Variants in IL1RAPL2 observed in about 807,000 individuals in gnomAD.
IL1RAPL2 encodes X-linked interleukin-1 receptor accessory protein-like 2.
IL1RAPL2 carries 3 observed loss-of-function variants against 44.1 expected under a neutral mutation model. The observed-to-expected ratio is 0.07, with a 90% CI of 0.03 to 0.18. The LOEUF is 0.18. Among genes scored for constraint, IL1RAPL2 ranks in the 10% least tolerant of loss-of-function variants. IL1RAPL2 has a pLI of 1.00. For synonymous variants in IL1RAPL2, 181 were observed against 178.8 expected, an observed-to-expected ratio of 1.01 and a Z score of -0.10; for missense variants, 391 against 496.4, an observed-to-expected ratio of 0.79 and a Z score of 2.02.
chrX:104,653,581 G>T lies in IL1RAPL2; in HGVS notation c.-19-5314G>T, dbSNP rs774628015. ...TGTTTATTGATGGAGTTGGGGTGAGGTGATATGGAACTAGCTGCATTGGTT... is the reference window on the plus strand; with the variant it reads ...TGTTTATTGATGGAGTTGGGGTGAGTTGATATGGAACTAGCTGCATTGGTT... On this transcript the variant is annotated intron_variant, in intron 1 of 10. Transcript: ENST00000372582. 2.7e-5 allele frequency among the ~76,000 whole-genome samples: 3 copies of T among 110,938 alleles called. No homozygotes were observed. In the Admixed American group the frequency reaches 2.9e-4, roughly 11 times the overall value.
At chrX:104,974,565 GTA>G (rs1184064907) in intron 2 of IL1RAPL2, among the ~76,000 whole-genome samples, 1 of 112,238 alleles carries the variant, frequency 8.9e-6, no homozygotes, top group African/African-American at 3.2e-5. Flanking sequence ...GCACCAGTAG[GTA>G]TAGAAGACAG....
intron 2 of IL1RAPL2, among the ~76,000 whole-genome samples, chrX:105,003,135 T>C (rs1196679999): frequency 1.8e-5 from 2 of 111,242 alleles, no homozygotes; most frequent in Non-Finnish European, 3.8e-5. Context: ...GCTTATATTA[T>C]ATTCCTTCCC....
intron 2 of IL1RAPL2, among the ~76,000 whole-genome samples, chrX:105,069,149 A>T (rs1394129771): frequency 8.9e-6 from 1 of 112,600 alleles, no homozygotes; most frequent in Non-Finnish European, 1.9e-5. Flanking sequence ...TTAAACAGCC[A>T]TACCATCTGG....
intron 5 of IL1RAPL2, among the ~76,000 whole-genome samples, chrX:105,379,412 A>T (rs2035412626): frequency 8.9e-6 from 1 of 111,925 alleles, no homozygotes. Flanking sequence ...CTAGCCAATG[A>T]GTGTAGATTG....
At chrX:104,697,823 C>T (rs1011884004) in intron 2 of IL1RAPL2, among the ~76,000 whole-genome samples, 2 of 112,410 alleles carry the variant, frequency 1.8e-5, no homozygotes, top group African/African-American at 3.2e-5. Flanking sequence ...TCTGTGGCTG[C>T]ATAAGAAATT....
At chrX:105,098,964 G>A (rs1359211854) in intron 2 of IL1RAPL2, among the ~76,000 whole-genome samples, 1 of 112,405 alleles carries the variant, frequency 8.9e-6, no homozygotes, top group Non-Finnish European at 1.9e-5. Flanking sequence ...TACATGTATA[G>A]GTAAGACTGT....
At chrX:105,013,864 C>T (rs1357430647) in intron 2 of IL1RAPL2, among the ~76,000 whole-genome samples, 1 of 111,710 alleles carries the variant, frequency 9.0e-6, no homozygotes, top group Non-Finnish European at 1.9e-5. Context: ...GTACATATTG[C>T]CTTACATAAA....
intron 1 of IL1RAPL2, among the ~76,000 whole-genome samples, chrX:104,632,213 G>A (rs1929667297): frequency 9.0e-6 from 1 of 111,281 alleles, no homozygotes; most frequent in Non-Finnish European, 1.9e-5. Flanking sequence ...CTCTGTTTTG[G>A]TACCAGTACC....
At chrX:104,589,672 C>CT (rs749483579) in intron 1 of IL1RAPL2, among the ~76,000 whole-genome samples, 1 of 112,032 alleles carries the variant, frequency 8.9e-6, no homozygotes, top group African/African-American at 3.2e-5. Flanking sequence ...TTTATGATGT[C>CT]TTTTTTTCAC....
Position 104,616,613 on chromosome X carries a change from G to A in IL1RAPL2, c.-19-42282G>A, listed in dbSNP as rs762086546. ...TATTTTGCAGACCCTGCACTTGATG[G>A]ATCAGCTGGCACTACCCAGGTTGAT... On this transcript the variant is annotated intron_variant, in intron 1 of 10. Coordinates refer to ENST00000372582, the MANE Select transcript of IL1RAPL2 (RefSeq NM_017416.2). 2.7e-5 allele frequency among the ~76,000 whole-genome samples: 3 copies of A among 111,950 alleles called. No homozygotes were observed. The South Asian group carries it at 1.1e-3, about 42-fold the overall frequency.
At chrX:105,339,128 AATAC>A (rs1221848217) in intron 5 of IL1RAPL2, among the ~76,000 whole-genome samples, 3 of 111,266 alleles carry the variant, frequency 2.7e-5, no homozygotes, top group Non-Finnish European at 5.7e-5. Flanking sequence ...TAAATAAATA[AATAC>A]AAACAAAACA....
chrX:105,404,033 G>A (rs1033101388), intron 5 of IL1RAPL2, among the ~76,000 whole-genome samples: 33 of 112,019 alleles, frequency 2.9e-4, no homozygotes, highest in African/African-American at 1.1e-3. Flanking sequence ...CTTCCAAAGT[G>A]CCTTATACAG....
chrX:104,593,885 G>A (rs1602634938), intron 1 of IL1RAPL2, among the ~76,000 whole-genome samples: 1 of 112,187 alleles, frequency 8.9e-6, no homozygotes, highest in Non-Finnish European at 1.9e-5. Context: ...GCTCCCTAGC[G>A]AAGCCTTTTC....
chrX:104,904,766 T>C (rs1602800582), intron 2 of IL1RAPL2, among the ~76,000 whole-genome samples: 1 of 109,940 alleles, frequency 9.1e-6, no homozygotes. Context: ...TAAACATACA[T>C]GTGCATGTGT....
At chrX:105,254,192 C>A (rs2034296188) in intron 4 of IL1RAPL2, among the ~76,000 whole-genome samples, 1 of 111,942 alleles carries the variant, frequency 8.9e-6, no homozygotes, top group African/African-American at 3.2e-5. Flanking sequence ...GTTCCTTTTT[C>A]TCCACAACCT....
intron 1 of IL1RAPL2, among the ~76,000 whole-genome samples, chrX:104,586,230 C>T (rs1928559563): frequency 9.0e-6 from 1 of 111,192 alleles, no homozygotes; most frequent in Non-Finnish European, 1.9e-5. Flanking sequence ...TGCTTGTTGG[C>T]CACATGTATG....
chrX:105,050,327 G>A (rs994230246), intron 2 of IL1RAPL2, among the ~76,000 whole-genome samples: 1 of 112,047 alleles, frequency 8.9e-6, no homozygotes, highest in Non-Finnish European at 1.9e-5. Context: ...TCTACAGGTA[G>A]TTGCTATAAG....
chrX:104,601,281 C>T (rs766899313), intron 1 of IL1RAPL2, among the ~76,000 whole-genome samples: 1 of 110,105 alleles, frequency 9.1e-6, no homozygotes, highest in East Asian at 2.9e-4. Flanking sequence ...TCCCCCTCCC[C>T]CTACCCCACA....
At chrX:104,808,505 G>C (rs750465726) in intron 2 of IL1RAPL2, among the ~76,000 whole-genome samples, 36 of 111,235 alleles carry the variant, frequency 3.2e-4, no homozygotes, top group Non-Finnish European at 5.5e-4. Flanking sequence ...GAGGTTATGG[G>C]TTTAGGTGGA....
Sources: gnomAD v4.1 joint callset for allele counts (sites outside exome capture counted in the v4.1 genomes callset) on GRCh38, gnomAD v4.1.1 for gene constraint, MANE v1.5 for transcripts, NCBI Gene and HGNC (gene_info 2026-07-23, HGNC 2026-07-21) for gene names.